Variants in FRMD4B observed in about 807,000 individuals in gnomAD.
FRMD4B encodes the protein FERM domain containing 4B.
FRMD4B carries 74 observed loss-of-function variants against 141.5 expected under a neutral mutation model. The ratio of observed to expected loss-of-function variants is 0.52; its 90% CI spans 0.43 to 0.63. The LOEUF (loss-of-function observed/expected upper bound fraction) is 0.63. FRMD4B is among the 30% of genes least tolerant of loss of function. The probability of loss-of-function intolerance (pLI) is 0.00; values close to 1 mark genes in which losing one functional copy is unlikely to be tolerated. For missense variants in FRMD4B, 1,366 were observed against 1,253.4 expected, an observed-to-expected ratio of 1.09 and a Z score of -1.36; for synonymous variants, 506 against 467.9, an observed-to-expected ratio of 1.08 and a Z score of -1.05.
chr3:69,523,978 A>G (rs762213670), intron 1 of FRMD4B, among the ~76,000 whole-genome samples: 6 of 152,166 alleles, frequency 3.9e-5, no homozygotes, highest in Admixed American at 3.3e-4. Context: ...CTTTGCCCCA[A>G]CTAACTGGAT....
intron 5 of FRMD4B, among the ~76,000 whole-genome samples, chr3:69,274,801 G>A (rs1559770369): frequency 1.3e-5 from 2 of 152,274 alleles, no homozygotes; most frequent in South Asian, 4.1e-4. Context: ...TTACAGGCAT[G>A]AGCCACTGCA....
Position 69,362,702 on chromosome 3 carries a change from C to CG in FRMD4B, c.162+23125_162+23126insC, listed in dbSNP as rs1021201463. On this transcript the variant is annotated intron_variant, in intron 1 of 22. Transcript: ENST00000398540. Reference sequence around the variant, plus strand: ...AAAACAACAACAACAAAAAGCCAACCCCCCCCCCAAAAAAACAAACAAAAA... The same window carrying CG: ...AAAACAACAACAACAAAAAGCCAACCGCCCCCCCCAAAAAAACAAACAAAAA... Among the ~76,000 whole-genome samples the CG allele has an allele frequency of 1.3e-4, 8 of 62,908 alleles. 1 individual carries two copies. Among genetic ancestry groups the CG allele is most frequent in the African/African-American group, 9.2e-4 (6 of 6,516 alleles). 41.3% of individuals were successfully genotyped at this position (62,908 alleles called of 152,430 possible). A position where few individuals can be genotyped will look rare whatever the true frequency, so the allele number is the denominator to read the frequency against.
intron 21 of FRMD4B, among the ~76,000 whole-genome samples, chr3:69,179,643 G>T (rs58572495): frequency 6.6e-6 from 1 of 152,244 alleles, no homozygotes; most frequent in East Asian, 1.9e-4. Context: ...GTTTTCACTT[G>T]ACTATTATAC....
At chr3:69,212,359 CAAAAAAAAAAA>C (rs869309749) in intron 11 of FRMD4B, among the ~76,000 whole-genome samples, 2 of 25,360 alleles carry the variant, frequency 7.9e-5, no homozygotes, top group South Asian at 5.3e-3. Context: ...AACCCCGTCT[CAAAAAAAAAAA>C]AAAAAAAAAA....
intron 1 of FRMD4B, among the ~76,000 whole-genome samples, chr3:69,539,168 T>A (rs1701128496): frequency 6.6e-6 from 1 of 152,178 alleles, no homozygotes; most frequent in African/African-American, 2.4e-5. Flanking sequence ...TGCTAGAAAA[T>A]TACTGCAGGC....
At chr3:69,397,196 A>G (rs1382066995) in intron 2 of FRMD4B, among the ~76,000 whole-genome samples, 1 of 152,246 alleles carries the variant, frequency 6.6e-6, no homozygotes, top group East Asian at 1.9e-4. Flanking sequence ...GGAATGAAAT[A>G]CTGGTACGTA....
chr3:69,464,223 C>T (rs17432785), intron 1 of FRMD4B, among the ~76,000 whole-genome samples: 40,107 of 151,932 alleles, frequency 0.26, 5,584 homozygotes, highest in African/African-American at 0.3. Flanking sequence ...ATGCTGGTAA[C>T]TTTTTTTGCC....
At chr3:69,346,476 G>C (rs571683362) in intron 1 of FRMD4B, among the ~76,000 whole-genome samples, 1 of 152,260 alleles carries the variant, frequency 6.6e-6, no homozygotes, top group Non-Finnish European at 1.5e-5. Context: ...AGGAAATACA[G>C]AGAATGCCAC....
At chr3:69,397,671 A>T (rs1704494709) in intron 2 of FRMD4B, among the ~76,000 whole-genome samples, 1 of 152,228 alleles carries the variant, frequency 6.6e-6, no homozygotes, top group Non-Finnish European at 1.5e-5. Context: ...AGGCAAATCT[A>T]TATAGATAGA....
At chr3:69,203,277 T>A (rs2092987981) in intron 11 of FRMD4B, among the ~76,000 whole-genome samples, 1 of 137,002 alleles carries the variant, frequency 7.3e-6, no homozygotes, top group Admixed American at 7.9e-5. Flanking sequence ...CACCCCACTA[T>A]TATAATGGTT....
At chr3:69,319,247 G>C (rs1701911989) in intron 1 of FRMD4B, among the ~76,000 whole-genome samples, 2 of 152,176 alleles carry the variant, frequency 1.3e-5, no homozygotes, top group African/African-American at 2.4e-5. Flanking sequence ...TGCTACCTTA[G>C]AGAAATTACT....
At chr3:69,531,699 A>G (rs1011686893) in intron 1 of FRMD4B, among the ~76,000 whole-genome samples, 1 of 152,162 alleles carries the variant, frequency 6.6e-6, no homozygotes, top group African/African-American at 2.4e-5. Context: ...TATCAGCATC[A>G]TTTTCATAGC....
chr3:69,309,283 A>G (rs1575716030), intron 3 of FRMD4B, among the ~76,000 whole-genome samples: 1 of 141,552 alleles, frequency 7.1e-6, no homozygotes, highest in Non-Finnish European at 1.5e-5. Flanking sequence ...GTTGCACATC[A>G]CCACACCTGG....
chr3:69,172,020 T>C (rs758021869), intron 22 of FRMD4B, 39 bp from the exon 23 acceptor site: 1 of 1,605,938 alleles, frequency 6.2e-7, no homozygotes, highest in East Asian at 2.2e-5. Context: ...CTTGTGGCCA[T>C]ATTTTTGTCC....
At chr3:69,491,501 C>T (rs72935573) in intron 1 of FRMD4B, among the ~76,000 whole-genome samples, 5,128 of 152,214 alleles carry the variant, frequency 0.034, 154 homozygotes, top group African/African-American at 0.07. Context: ...AAAATGACAC[C>T]TATTTGCAAT....
rs117549420 is a variant in FRMD4B, at chr3:69,196,713, T to C, written c.1092+187A>G. On this transcript the variant is annotated intron_variant, in intron 13 of 22. Coordinates refer to ENST00000398540, the MANE Select transcript of FRMD4B (RefSeq NM_015123.3). ...CCAAAAAGTTGGCCAGTCTTACAAC[T>C]TTTAAAGCAGCTTATATATTGCCCA... 9.0e-4 allele frequency: 538 copies of C among 594,508 alleles called. 5 individuals carry two copies. The East Asian group carries it at 0.013, about 15-fold the overall frequency. 36.8% of individuals were successfully genotyped at this position (594,508 alleles called of 1,614,324 possible).
intron 11 of FRMD4B, among the ~76,000 whole-genome samples, chr3:69,215,714 T>G: frequency 6.6e-6 from 1 of 152,286 alleles, no homozygotes; most frequent in East Asian, 1.9e-4. Context: ...CCTGCATCAT[T>G]GAGAGATCAC....
chr3:69,476,341 A>C (rs1187047770), intron 1 of FRMD4B, among the ~76,000 whole-genome samples: 6 of 152,104 alleles, frequency 3.9e-5, no homozygotes, highest in African/African-American at 1.2e-4. Context: ...TTTTAGGTCT[A>C]ACGTTTAAGT....
chr3:69,191,713 G>A (rs1426673712), intron 17 of FRMD4B, among the ~76,000 whole-genome samples: 1 of 152,204 alleles, frequency 6.6e-6, no homozygotes, highest in Admixed American at 6.5e-5. Flanking sequence ...TACTTTCACT[G>A]TAAAGGAGAA....
Sources: gnomAD v4.1 joint callset for allele counts (sites outside exome capture counted in the v4.1 genomes callset) on GRCh38, gnomAD v4.1.1 for gene constraint, MANE v1.5 for transcripts, NCBI Gene and HGNC (gene_info 2026-07-23, HGNC 2026-07-21) for gene names.